Variants in USP9Y observed in about 807,000 individuals in gnomAD.
The protein encoded by USP9Y is ubiquitin carboxyl-terminal hydrolase 9Y.
USP9Y carries 41 observed loss-of-function variants against 53.1 expected under a neutral mutation model. The ratio of observed to expected loss-of-function variants is 0.77; its 90% CI spans 0.60 to 1.00. USP9Y has a LOEUF of 1.00. USP9Y is among the 50% of genes least tolerant of loss of function. The pLI is 0.00. For synonymous variants in USP9Y, 220 were observed against 173.7 expected (o/e 1.27, Z -2.09); for missense variants, 567 against 535.8 (o/e 1.06, Z -0.58).
intron 33 of USP9Y, among the ~76,000 whole-genome samples, chrY:12,832,421 T>A: frequency 3.0e-5 from 1 of 33,313 alleles, no homozygotes; most frequent in East Asian, 7.8e-4. Flanking sequence ...TTTCTCTTTA[T>A]GTATTAGTGA....
intron 27 of USP9Y, among the ~76,000 whole-genome samples, chrY:12,800,379 C>A: frequency 3.0e-5 from 1 of 33,719 alleles, no homozygotes; most frequent in African/African-American, 1.2e-4. Flanking sequence ...AAAGACCCAC[C>A]GCTAACAGAG....
chrY:12,772,491 G>A (rs2053486587), intron 16 of USP9Y, among the ~76,000 whole-genome samples: 2 of 31,919 alleles, frequency 6.3e-5, no homozygotes, highest in Non-Finnish European at 1.5e-4. Flanking sequence ...CAGGCCAGGC[G>A]TGGTGGCTCA....
intron 3 of USP9Y, among the ~76,000 whole-genome samples, chrY:12,711,808 G>T (rs2053425101): frequency 6.2e-5 from 2 of 32,032 alleles, no homozygotes; most frequent in African/African-American, 2.5e-4. Context: ...TGTATTTTTA[G>T]TAGAGATGGG....
intron 45 of USP9Y, among the ~76,000 whole-genome samples, chrY:12,858,957 C>T: frequency 6.0e-5 from 2 of 33,079 alleles, no homozygotes; most frequent in Non-Finnish European, 1.5e-4. Context: ...TGTGATCCGC[C>T]CACCTTGGCC....
chrY:12,777,986 A>T (rs760941053), intron 19 of USP9Y, 33 bp from the exon 20 acceptor site: 7 of 354,874 alleles, frequency 2.0e-5, no homozygotes, highest in South Asian at 3.5e-5. Context: ...TTCTTTTTTT[A>T]AAATTCTTTT....
At position 12,856,604 on chromosome Y, in the gene USP9Y, A is replaced by G. The variant is rs72625383; in HGVS notation, c.7222-29A>G. 185 of 388,314 alleles carry G rather than the reference A, an allele frequency of 4.8e-4. No individual in the cohort carries two copies. The East Asian group carries it at 0.017, about 35-fold the overall frequency. On this transcript the variant is annotated intron_variant, in intron 43 of 45. Coordinates refer to ENST00000338981, the MANE Select transcript of USP9Y (RefSeq NM_004654.4). ...AAGCTGATACTGAAAATCATTCTAA[A>G]TTCTAAATAGTTTTATTTTTTTCTA...
chrY:12,775,924 C>T, intron 18 of USP9Y, among the ~76,000 whole-genome samples: 1 of 31,663 alleles, frequency 3.2e-5, no homozygotes, highest in South Asian at 7.3e-4. Context: ...TCAGCTACAG[C>T]CTGGAACTCC....
intron 34 of USP9Y, among the ~76,000 whole-genome samples, chrY:12,837,415 A>G (rs2053556059): frequency 3.0e-5 from 1 of 32,903 alleles, no homozygotes; most frequent in African/African-American, 1.2e-4. Context: ...ACATCTCACC[A>G]TAATGACCAT....
At chrY:12,756,904 A>G in intron 12 of USP9Y, among the ~76,000 whole-genome samples, 1 of 34,062 alleles carries the variant, frequency 2.9e-5, no homozygotes, top group Non-Finnish European at 7.3e-5. Flanking sequence ...TGTGTCAGGT[A>G]TCCTTTGTTA....
intron 3 of USP9Y, among the ~76,000 whole-genome samples, chrY:12,717,829 G>A: frequency 3.0e-5 from 1 of 32,947 alleles, no homozygotes; most frequent in Admixed American, 2.7e-4. Context: ...CAAGCTTAGA[G>A]ACTGTTGAAT....
intron 27 of USP9Y, among the ~76,000 whole-genome samples, chrY:12,799,085 G>A: frequency 9.6e-5 from 3 of 31,410 alleles, no homozygotes; most frequent in Admixed American, 5.7e-4. Context: ...GGCCATTATG[G>A]AACTCCTGAC....
chrY:12,723,520 C>G (rs2053438172), intron 5 of USP9Y, among the ~76,000 whole-genome samples: 2 of 28,854 alleles, frequency 6.9e-5, no homozygotes, highest in Admixed American at 3.2e-4. Context: ...CTCCCGGTAG[C>G]TGGGACTACA....
intron 22 of USP9Y, among the ~76,000 whole-genome samples, chrY:12,780,931 G>C (rs1051738223): frequency 3.0e-5 from 1 of 32,787 alleles, no homozygotes; most frequent in Non-Finnish European, 7.5e-5. Context: ...TGTATTTCTT[G>C]GCCTACAAAT....
intron 33 of USP9Y, among the ~76,000 whole-genome samples, chrY:12,832,616 A>T: frequency 3.0e-5 from 1 of 33,593 alleles, no homozygotes; most frequent in Non-Finnish European, 7.4e-5. Context: ...TGTCTTTTTT[A>T]AAAAGGATAA....
intron 30 of USP9Y, among the ~76,000 whole-genome samples, chrY:12,812,468 CTA>C (rs2053531926): frequency 6.0e-5 from 2 of 33,186 alleles, no homozygotes; most frequent in African/African-American, 2.3e-4. Flanking sequence ...TTTTTATACA[CTA>C]TTTCTTGGTG....
intron 33 of USP9Y, among the ~76,000 whole-genome samples, chrY:12,827,050 A>G: frequency 3.0e-5 from 1 of 33,415 alleles, no homozygotes; most frequent in Non-Finnish European, 7.4e-5. Context: ...TAAAGGATCT[A>G]AGGTTTGTAA....
rs1288517770 is a variant in USP9Y, at chrY:12,791,532, A to G, written c.3721A>G (p.Arg1241Gly). ...ATATATGCCTGATATTTGTGTAATT[A>G]GGGCTATACAGAAAATTATCTGGGC... ...SRYMPDICVI[R>G]AIQKIIWASA... The change falls in exon 26 of 46, where the codon AGG becomes GGG. Residue 1241 changes from arginine to glycine, a missense_variant. Physicochemically the swap from Arg to Gly is moderately radical, Grantham distance 125. Coordinates refer to ENST00000338981, the MANE Select transcript of USP9Y (RefSeq NM_004654.4). The G allele has an allele frequency of 2.5e-6, 1 of 394,509 alleles. No homozygotes were observed. Among genetic ancestry groups the G allele is most frequent in the Non-Finnish European group, 3.6e-6 (1 of 280,049 alleles).
intron 12 of USP9Y, among the ~76,000 whole-genome samples, chrY:12,750,547 G>T: frequency 3.0e-5 from 1 of 33,279 alleles, no homozygotes; most frequent in African/African-American, 1.2e-4. Flanking sequence ...TTTTGTAGAT[G>T]CCTTTTATTG....
At chrY:12,722,225 T>A in intron 5 of USP9Y, 38 bp downstream of exon 5, 1 of 323,218 alleles carries the variant, frequency 3.1e-6, no homozygotes, top group Non-Finnish European at 4.7e-6. Flanking sequence ...TACGTGCTCC[T>A]ATATATACTT....
Sources: gnomAD v4.1 joint callset for allele counts (sites outside exome capture counted in the v4.1 genomes callset) on GRCh38, gnomAD v4.1.1 for gene constraint, MANE v1.5 for transcripts, NCBI Gene and HGNC (gene_info 2026-07-23, HGNC 2026-07-21) for gene names.